The following DGKH variants were observed in gnomAD, a reference collection of about 807,000 sequenced individuals.
DGKH encodes diacylglycerol kinase eta.
In DGKH, 90 loss-of-function variants were observed where a neutral mutation model predicts 159.3. The ratio of observed to expected loss-of-function variants is 0.57; its 90% CI spans 0.48 to 0.67. DGKH has a LOEUF of 0.67. DGKH is among the 30% of genes least tolerant of loss of function. The probability of loss-of-function intolerance (pLI) is 0.00; values close to 1 mark genes in which losing one functional copy is unlikely to be tolerated. For missense variants in DGKH, 1,181 were observed against 1,506.1 expected, an observed-to-expected ratio of 0.78 and a Z score of 3.57; for synonymous variants, 536 against 553.8, an observed-to-expected ratio of 0.97 and a Z score of 0.45.
chr13:42,061,579 T>G (rs1047626846), intron 1 of DGKH, among the ~76,000 whole-genome samples: 1 of 152,220 alleles, frequency 6.6e-6, no homozygotes, highest in Non-Finnish European at 1.5e-5. Context: ...TAACTTCATT[T>G]AACCTTTATT....
At chr13:42,170,542 G>T (rs1956424692) in intron 11 of DGKH, among the ~76,000 whole-genome samples, 2 of 152,038 alleles carry the variant, frequency 1.3e-5, no homozygotes, top group Non-Finnish European at 2.9e-5. Context: ...CAAAACAAAA[G>T]AAAATACACA....
chr13:42,128,553 A>C lies in DGKH; in HGVS notation c.303+980A>C, dbSNP rs530658428. 1.6e-4 allele frequency among the ~76,000 whole-genome samples: 25 copies of C among 152,290 alleles called. No homozygotes were observed. In the South Asian group the frequency reaches 5.2e-3, roughly 32 times the overall value. On this transcript the variant is annotated intron_variant, in intron 2 of 29. Coordinates refer to ENST00000337343, the MANE Select transcript of DGKH (RefSeq NM_178009.5). ...AGTTTGGGCTCATGCTACCATCACT[A>C]GGATGACTTTTCCTTTTCCATCTGC...
intron 1 of DGKH, among the ~76,000 whole-genome samples, chr13:42,090,800 G>A (rs1954402392): frequency 6.6e-6 from 1 of 152,130 alleles, no homozygotes; most frequent in Admixed American, 6.5e-5. Context: ...AAGAGGTAGG[G>A]CTTTAAAGAG....
At chr13:42,187,273 C>T in intron 14 of DGKH, 125 bp downstream of exon 14, 1 of 763,532 alleles carries the variant, frequency 1.3e-6, no homozygotes, top group Non-Finnish European at 2.2e-6. Flanking sequence ...AGAAAAATTA[C>T]TTTGGATCAG....
rs778485164 is a variant in DGKH, at chr13:42,199,819, A to G, written c.2403A>G (p.Arg801=). 3 of 1,599,458 alleles carry G rather than the reference A, an allele frequency of 1.9e-6. No homozygotes were observed. In the South Asian group the frequency reaches 3.5e-5, roughly 18 times the overall value. The change falls in exon 20 of 30, where the codon CGA becomes CGG. Residue 801 remains arginine, a synonymous_variant. Coordinates refer to ENST00000337343, the MANE Select transcript of DGKH (RefSeq NM_178009.5). ...TGCCAATATTTATTTTCAGGAGCCG[A>G]ACTAAAAACTTGATGTGGTATGGAG... ...REEHPEKCRS[R]TKNLMWYGVL... is the part of the protein sequence containing the mutation.
At chr13:42,173,982 T>TGCGC (rs66477624) in intron 11 of DGKH, 78 bp from the exon 12 acceptor site, 2 of 811,664 alleles carry the variant, frequency 2.5e-6, no homozygotes, top group Non-Finnish European at 4.2e-6. Context: ...TGTGTGTGTG[T>TGCGC]GCGCGTTTAT....
chr13:42,190,327 C>T, intron 15 of DGKH, 76 bp from the exon 16 acceptor site: 6 of 1,518,158 alleles, frequency 4.0e-6, no homozygotes, highest in East Asian at 2.5e-5. Flanking sequence ...TTCAATTTGC[C>T]TTTCCTGAGC....
At chr13:42,047,531 C>T (rs1880873660), upstream of DGKH, among the ~76,000 whole-genome samples, 1 of 152,346 alleles carries the variant, frequency 6.6e-6, no homozygotes. Flanking sequence ...CTTTGGATGA[C>T]AAGAGGGATC....
chr13:42,082,569 G>C (rs1954220483), intron 1 of DGKH, among the ~76,000 whole-genome samples: 1 of 152,236 alleles, frequency 6.6e-6, no homozygotes, highest in Admixed American at 6.5e-5. Flanking sequence ...GATTTTGCTT[G>C]AGGTCATGGA....
intron 11 of DGKH, among the ~76,000 whole-genome samples, chr13:42,170,673 T>TGGCTCAC (rs1956430165): frequency 6.6e-6 from 1 of 152,222 alleles, no homozygotes; most frequent in Non-Finnish European, 1.5e-5. Context: ...TTGGTTGCAG[T>TGGCTCAC]GGCTCACGCC....
chr13:42,172,080 G>A lies in DGKH; in HGVS notation c.1368-1980G>A, dbSNP rs181384070. On this transcript the variant is annotated intron_variant, in intron 11 of 29. Coordinates refer to ENST00000337343, the MANE Select transcript of DGKH (RefSeq NM_178009.5). ...CCTGACCTCGTGATCCGCCCGCCTC[G>A]GCCTCCCAAAGTGCTGGGATTATAG... Among the ~76,000 whole-genome samples the A allele has an allele frequency of 8.3e-3, 1,232 of 148,930 alleles. 12 individuals carry two copies. The highest frequency in any genetic ancestry group is 0.028 in the African/African-American group (1,137 of 40,240).
chr13:42,073,137 T>C (rs950675340), intron 1 of DGKH, among the ~76,000 whole-genome samples: 1 of 152,264 alleles, frequency 6.6e-6, no homozygotes, highest in Non-Finnish European at 1.5e-5. Context: ...TTAGCTGTTA[T>C]GATAATGTTC....
At chr13:42,248,937 G>A (rs1358538755) in intron 29 of DGKH, among the ~76,000 whole-genome samples, 1 of 152,082 alleles carries the variant, frequency 6.6e-6, no homozygotes, top group Non-Finnish European at 1.5e-5. Context: ...ATGTGTCCCC[G>A]TTAGGTGATG....
At chr13:42,080,971 G>A (rs957863161) in intron 1 of DGKH, among the ~76,000 whole-genome samples, 1 of 152,108 alleles carries the variant, frequency 6.6e-6, no homozygotes, top group Non-Finnish European at 1.5e-5. Context: ...ACCTAGCCCA[G>A]CCCAGCCAGT....
At chr13:42,134,925 C>T (rs558113750) in intron 3 of DGKH, among the ~76,000 whole-genome samples, 13 of 151,940 alleles carry the variant, frequency 8.6e-5, no homozygotes, top group Middle Eastern at 3.4e-3. Flanking sequence ...TGCAGTGAGC[C>T]GAGATCGTGC....
rs573626955 is a variant in DGKH at position 42,143,212 on chromosome 13, G to A, written c.385-12079G>A. On this transcript the variant is annotated intron_variant, in intron 3 of 29. Coordinates refer to ENST00000337343, the MANE Select transcript of DGKH (RefSeq NM_178009.5). ...TGCTGGATTATGTTTATTGATTTGC[G>A]TATGTTGAACCAGCCTTGCATCCCA... Among the ~76,000 whole-genome samples, 1,055 of 152,216 alleles carry A rather than the reference G, an allele frequency of 6.9e-3. 5 individuals carry two copies. Among genetic ancestry groups the A allele is most frequent in the Non-Finnish European group, 1.0e-2 (677 of 68,014 alleles).
At chr13:42,147,722 G>GA (rs1955774327) in intron 3 of DGKH, among the ~76,000 whole-genome samples, 2 of 152,120 alleles carry the variant, frequency 1.3e-5, no homozygotes, top group South Asian at 2.1e-4. Context: ...AATAATTTCT[G>GA]AAGTCACTGT....
chr13:42,219,206 G>A, intron 26 of DGKH, 24 bp from the exon 27 acceptor site: 2 of 1,612,050 alleles, frequency 1.2e-6, no homozygotes, highest in Non-Finnish European at 1.7e-6. Context: ...GTTTTGTTTT[G>A]TCTTTTAATC....
At chr13:42,110,641 A>C (rs1207641318) in intron 1 of DGKH, among the ~76,000 whole-genome samples, 1 of 127,516 alleles carries the variant, frequency 7.8e-6, no homozygotes, top group African/African-American at 3.0e-5. Context: ...ACAGTTACAC[A>C]TACGACATTC....
Sources: gnomAD v4.1 joint callset for allele counts (sites outside exome capture counted in the v4.1 genomes callset) on GRCh38, gnomAD v4.1.1 for gene constraint, MANE v1.5 for transcripts, NCBI Gene and HGNC (gene_info 2026-07-23, HGNC 2026-07-21) for gene names.